GRK5: variants seen among roughly 807,000 people sequenced by gnomAD.
GRK5 encodes G protein-coupled receptor kinase 5, also known as g protein-coupled receptor kinase GRK5.
Under a neutral mutation model 78.4 loss-of-function variants are expected in GRK5, and 40 were observed. The ratio of observed to expected loss-of-function variants is 0.51; its 90% confidence interval spans 0.40 to 0.66. The LOEUF (loss-of-function observed/expected upper bound fraction) is 0.66. GRK5 is among the 30% of genes least tolerant of loss of function. The pLI, the probability that GRK5 is intolerant of heterozygous loss-of-function variation, is 0.00. For missense variants in GRK5, 598 were observed against 759.9 expected, an observed-to-expected ratio of 0.79 and a Z score of 2.50; for synonymous variants, 289 against 296.8, an observed-to-expected ratio of 0.97 and a Z score of 0.27.
intron 1 of GRK5, among the ~76,000 whole-genome samples, chr10:119,246,775 C>T (rs1293279259): frequency 6.6e-6 from 1 of 152,228 alleles, no homozygotes; most frequent in Non-Finnish European, 1.5e-5. Context: ...CCTCCTGCAC[C>T]TTCCAAAGCA....
intron 1 of GRK5, among the ~76,000 whole-genome samples, chr10:119,237,146 T>C (rs1564858591): frequency 6.7e-6 from 1 of 149,028 alleles, no homozygotes; most frequent in Non-Finnish European, 1.5e-5. Context: ...TACTGCAATC[T>C]CCGACTCCCA....
chr10:119,291,636 CTCTTCT>C, intron 1 of GRK5, among the ~76,000 whole-genome samples: 1 of 141,310 alleles, frequency 7.1e-6, no homozygotes, highest in Non-Finnish European at 1.6e-5. Flanking sequence ...CTTCCTCCTT[CTCTTCT>C]TCCTCCTCCT....
At chr10:119,313,095 GTGATGGTAATGA>G (rs1850408657) in intron 1 of GRK5, among the ~76,000 whole-genome samples, 1 of 148,674 alleles carries the variant, frequency 6.7e-6, no homozygotes, top group African/African-American at 2.5e-5. Flanking sequence ...GGTGATGGTG[GTGATGGTAATGA>G]TGGTAGTGGT....
intron 2 of GRK5, among the ~76,000 whole-genome samples, chr10:119,344,339 C>A (rs544310544): frequency 1.4e-4 from 21 of 152,088 alleles, no homozygotes; most frequent in Non-Finnish European, 2.9e-4. Context: ...CTTCCCCCAC[C>A]CCACGACAGG....
intron 1 of GRK5, among the ~76,000 whole-genome samples, chr10:119,268,559 G>A (rs547193713): frequency 1.6e-4 from 25 of 152,330 alleles, no homozygotes; most frequent in Non-Finnish European, 1.3e-4. Context: ...GATTCAATTA[G>A]GATGTGACCT....
chr10:119,455,035 C>G lies in GRK5; in HGVS notation c.1741C>G (p.His581Asp), dbSNP rs769531645. 6.8e-6 allele frequency: 11 copies of G among 1,614,172 alleles called. 1 individual carries two copies. The highest frequency in any genetic ancestry group is 1.6e-4 in the Middle Eastern group (1 of 6,062). The stretch of plus-strand genomic sequence containing the variant: ...TTTTAACCACCACATAAACTCAAAC[C>G]ATGTCAGCTCGAACTCCACCGGAAG... ...TSFNHHINSN[H>D]VSSNSTGSS The change falls in exon 16 of 16, where the codon CAT (histidine) becomes GAT (aspartate). Residue 581 changes from histidine to aspartate, a missense_variant. Physicochemically the swap from His to Asp is moderately conservative, Grantham distance 81. Transcript: ENST00000392870.
intron 1 of GRK5, among the ~76,000 whole-genome samples, chr10:119,288,816 G>T: frequency 6.6e-6 from 1 of 152,208 alleles, no homozygotes. Context: ...CCATGTCCCA[G>T]TGGCGGCTGG....
At chr10:119,449,857 G>A (rs1016033169) in intron 13 of GRK5, among the ~76,000 whole-genome samples, 2 of 152,210 alleles carry the variant, frequency 1.3e-5, no homozygotes, top group Non-Finnish European at 2.9e-5. Context: ...GCAGGCAGGG[G>A]GAGGATGGTA....
chr10:119,259,065 CTTT>C (rs397950981), intron 1 of GRK5, among the ~76,000 whole-genome samples: 2 of 130,184 alleles, frequency 1.5e-5, no homozygotes, highest in Non-Finnish European at 3.2e-5. Context: ...CTTTCTTTTT[CTTT>C]TTTTTTTTTT....
chr10:119,306,331 G>A lies in GRK5; in HGVS notation c.53-20185G>A, dbSNP rs538319766. On this transcript the variant is annotated intron_variant, in intron 1 of 15. Coordinates refer to ENST00000392870, the MANE Select transcript of GRK5 (RefSeq NM_005308.3). Reference sequence around the variant, plus strand: ...TGTGTGAGTCTGTTCAGCCTGAACTGCACACACCGATAAACTTCAGTGCCT... The same window carrying A: ...TGTGTGAGTCTGTTCAGCCTGAACTACACACACCGATAAACTTCAGTGCCT... Among the ~76,000 whole-genome samples, 425 of 152,330 alleles carry A rather than the reference G, an allele frequency of 2.8e-3. 6 individuals carry two copies. Among genetic ancestry groups the A allele is most frequent in the African/African-American group, 9.2e-3 (384 of 41,546 alleles).
intron 3 of GRK5, among the ~76,000 whole-genome samples, chr10:119,395,212 A>C (rs988041574): frequency 6.6e-6 from 1 of 152,142 alleles, no homozygotes; most frequent in African/African-American, 2.4e-5. Context: ...GATCTAAATG[A>C]TTGTAGTGTT....
chr10:119,297,992 C>T (rs1850112433), intron 1 of GRK5, among the ~76,000 whole-genome samples: 3 of 152,106 alleles, frequency 2.0e-5, no homozygotes, highest in Non-Finnish European at 1.5e-5. Context: ...AGGACCCTAC[C>T]CTCACTGGGA....
intron 4 of GRK5, among the ~76,000 whole-genome samples, chr10:119,405,267 C>T (rs1290622555): frequency 6.6e-6 from 1 of 152,032 alleles, no homozygotes; most frequent in Non-Finnish European, 1.5e-5. Flanking sequence ...ACTGGGAAGG[C>T]CGTTGTGCAG....
intron 13 of GRK5, among the ~76,000 whole-genome samples, chr10:119,450,579 G>A (rs553690240): frequency 1.3e-5 from 2 of 152,202 alleles, no homozygotes; most frequent in African/African-American, 4.8e-5. Flanking sequence ...GGAAGGAGGC[G>A]GCTCTGAGGG....
intron 2 of GRK5, among the ~76,000 whole-genome samples, chr10:119,368,851 G>A (rs527479160): frequency 3.5e-4 from 54 of 152,326 alleles, no homozygotes; most frequent in Middle Eastern, 3.4e-3. Flanking sequence ...TCGTTGCCTT[G>A]GACAGAAGCC....
At chr10:119,438,320 A>G (rs1852963223) in intron 9 of GRK5, among the ~76,000 whole-genome samples, 1 of 152,150 alleles carries the variant, frequency 6.6e-6, no homozygotes, top group Admixed American at 6.5e-5. Context: ...TCCTGATGTG[A>G]AGAAATCCAA....
chr10:119,451,720 C>T (rs1853291894), intron 13 of GRK5, among the ~76,000 whole-genome samples: 1 of 152,216 alleles, frequency 6.6e-6, no homozygotes, highest in Admixed American at 6.5e-5. Flanking sequence ...TGGCCTTGAG[C>T]CTTGAGCTGG....
chr10:119,281,798 G>C (rs940557218), intron 1 of GRK5, among the ~76,000 whole-genome samples: 1 of 152,232 alleles, frequency 6.6e-6, no homozygotes, highest in Non-Finnish European at 1.5e-5. Context: ...CTGGCTGAAT[G>C]TCCCTGCTGT....
At position 119,431,464 on chromosome 10, in the gene GRK5, G is replaced by A; in HGVS notation, c.675G>A (p.Arg225=). 1.2e-6 allele frequency: 2 copies of A among 1,614,126 alleles called. No individual in the cohort carries two copies. Among genetic ancestry groups the A allele is most frequent in the Non-Finnish European group, 1.7e-6 (2 of 1,179,986 alleles). Residue 225 remains arginine, a synonymous_variant, in exon 8 of 16, where the codon AGG becomes AGA. Coordinates refer to ENST00000392870, the MANE Select transcript of GRK5 (RefSeq NM_005308.3). This position sits in a 1 kb window ranked among gnomAD's most constrained non-coding sequence, Gnocchi z 4.8. ...TGGAGAAGAAGAGGATCAAAAAGAG[G>A]AAAGGGGAGTCCATGGCCCTCAATG... is the stretch of plus-strand genomic sequence containing the variant. The part of the protein sequence containing the change: ...KRLEKKRIKK[R]KGESMALNEK...
Sources: allele counts gnomAD v4.1 joint callset (sites outside exome capture counted in the v4.1 genomes callset), GRCh38; gene constraint gnomAD v4.1.1; non-coding constraint Gnocchi (gnomAD v3.1); transcripts MANE v1.5; gene names NCBI Gene and HGNC (gene_info 2026-07-23, HGNC 2026-07-21).